Variants in UTRN observed in about 807,000 individuals in gnomAD.
The protein encoded by UTRN is dystrophin-related protein 1.
UTRN carries 283 observed loss-of-function variants against 463.9 expected under a neutral mutation model. The ratio of observed to expected loss-of-function variants is 0.61; its 90% CI spans 0.55 to 0.67. The LOEUF (loss-of-function observed/expected upper bound fraction) is 0.67, where lower values mean the gene tolerates loss of function less well. Among genes scored for constraint, UTRN ranks in the 30% least tolerant of loss-of-function variants. UTRN has a pLI of 0.00. For synonymous variants in UTRN, 1,442 were observed against 1,431.5 expected, an observed-to-expected ratio of 1.01 and a Z score of -0.17; for missense variants, 3,922 against 4,084.3, an observed-to-expected ratio of 0.96 and a Z score of 1.08.
intron 52 of UTRN, among the ~76,000 whole-genome samples, chr6:144,690,861 T>A (rs1222190417): frequency 6.6e-6 from 1 of 152,196 alleles, no homozygotes; most frequent in East Asian, 1.9e-4. Context: ...TTTCACACTC[T>A]GGGGACTTAC....
At chr6:144,772,403 T>C (rs751709296) in intron 59 of UTRN, among the ~76,000 whole-genome samples, 3 of 152,294 alleles carry the variant, frequency 2.0e-5, no homozygotes, top group Non-Finnish European at 2.9e-5. Context: ...AATCATGTCA[T>C]TGACATTTAA....
intron 50 of UTRN, among the ~76,000 whole-genome samples, chr6:144,570,569 C>T (rs1050940944): frequency 6.6e-6 from 1 of 152,166 alleles, no homozygotes; most frequent in Non-Finnish European, 1.5e-5. Context: ...TACAAAACAA[C>T]TAAAATTTGT....
intron 65 of UTRN, among the ~76,000 whole-genome samples, chr6:144,816,733 C>CTT (rs35967778): frequency 0.29 from 38,614 of 131,412 alleles, 5,420 homozygotes; most frequent in Admixed American, 0.43. Context: ...AGCTTTTTTC[C>CTT]TTTTTTTTTT....
chr6:144,537,854 A>C, intron 44 of UTRN, 137 bp downstream of exon 44: 1 of 1,249,454 alleles, frequency 8.0e-7, no homozygotes, highest in African/African-American at 1.6e-5. Flanking sequence ...TGAAAGAGGA[A>C]TATCTTTTAT....
intron 2 of UTRN, among the ~76,000 whole-genome samples, chr6:144,316,448 C>T (rs981011670): frequency 6.6e-6 from 1 of 152,240 alleles, no homozygotes; most frequent in African/African-American, 2.4e-5. Context: ...ACTTACATTA[C>T]TTTCATTTAA....
chr6:144,502,396 C>T (rs988724839), intron 34 of UTRN, among the ~76,000 whole-genome samples: 2 of 152,048 alleles, frequency 1.3e-5, no homozygotes, highest in Admixed American at 6.6e-5. Context: ...TCTCCTAATG[C>T]TACCCCTCCC....
intron 25 of UTRN, among the ~76,000 whole-genome samples, chr6:144,477,983 A>G (rs189278703): frequency 1.7e-3 from 266 of 152,298 alleles, no homozygotes; most frequent in African/African-American, 6.3e-3. Context: ...GAATAAATAT[A>G]TGGGAAATTT....
Position 144,656,878 on chromosome 6 carries a change from T to C in UTRN, c.7480-21528T>C, listed in dbSNP as rs752299820. On this transcript the variant is annotated intron_variant, in intron 51 of 74. Coordinates refer to ENST00000367545, the MANE Select transcript of UTRN (RefSeq NM_007124.3). ...AAATTAGTTAAGAATTTAAAAAAAA[T>C]CTTTCAAATGATCCCATATTCTTTT... Among the ~76,000 whole-genome samples the C allele has an allele frequency of 2.6e-5, 4 of 152,186 alleles. No individual in the cohort carries two copies. In the South Asian group the frequency reaches 6.2e-4, roughly 24 times the overall value.
At chr6:144,639,528 C>A (rs981283190) in intron 51 of UTRN, among the ~76,000 whole-genome samples, 1 of 152,178 alleles carries the variant, frequency 6.6e-6, no homozygotes, top group Non-Finnish European at 1.5e-5. Context: ...TCAACAGACC[C>A]TTTAAAACTC....
At chr6:144,491,226 T>C in intron 32 of UTRN, 124 bp downstream of exon 32, 1 of 898,442 alleles carries the variant, frequency 1.1e-6, no homozygotes. Flanking sequence ...ACATAAGGAT[T>C]GATGATGGAA....
At chr6:144,615,103 T>G (rs997954523) in intron 51 of UTRN, among the ~76,000 whole-genome samples, 2 of 152,198 alleles carry the variant, frequency 1.3e-5, no homozygotes, top group African/African-American at 4.8e-5. Flanking sequence ...ACAGACATTT[T>G]AGTTTATTTA....
At chr6:144,497,887 T>G (rs938919105) in intron 33 of UTRN, among the ~76,000 whole-genome samples, 1 of 152,150 alleles carries the variant, frequency 6.6e-6, no homozygotes, top group Admixed American at 6.5e-5. Flanking sequence ...GATGATAGAT[T>G]GTCTAGGAAC....
Position 144,359,185 on chromosome 6 carries a change from GT to G in UTRN, c.80-43937del, listed in dbSNP as rs1370910662. Among the ~76,000 whole-genome samples the G allele has an allele frequency of 2.0e-5, 3 of 152,330 alleles. No homozygotes were observed. In the East Asian group the frequency reaches 5.8e-4, roughly 29 times the overall value. On this transcript the variant is annotated intron_variant, in intron 2 of 74. Transcript: ENST00000367545. ...TAGATATAAGGCAGGTTTGTCCACC[GT>G]GAGACAGTTCCATTTTGCTGTGGAA...
At chr6:144,510,793 G>A (rs1795099989) in intron 34 of UTRN, 151 bp from the exon 35 acceptor site, 1 of 597,896 alleles carries the variant, frequency 1.7e-6, no homozygotes, top group Admixed American at 4.2e-5. Context: ...TAATAAGTTT[G>A]GGAATTTTGT....
intron 56 of UTRN, 119 bp from the exon 57 acceptor site, chr6:144,754,601 T>A: frequency 2.8e-6 from 2 of 711,426 alleles, no homozygotes; most frequent in Admixed American, 2.9e-5. Context: ...GGGGTCTATA[T>A]AAACAATCAT....
intron 54 of UTRN, among the ~76,000 whole-genome samples, chr6:144,746,575 C>T (rs865960334): frequency 1.3e-5 from 2 of 152,104 alleles, no homozygotes; most frequent in Admixed American, 6.5e-5. Flanking sequence ...CTCCTGGGTT[C>T]AAGCAATTCT....
rs201967602 is a variant in UTRN, at chr6:144,490,962, C to T, written c.4297C>T (p.Leu1433Phe). The T allele has an allele frequency of 1.9e-5, 30 of 1,608,722 alleles. No homozygotes were observed. The South Asian group carries it at 3.1e-4, about 17-fold the overall frequency. The change falls in exon 32 of 75, where the codon CTT (leucine) becomes TTT (phenylalanine). Residue 1433 changes from leucine (L) to phenylalanine (F), a missense_variant. By Grantham distance (22) the Leu-to-Phe change is conservative. Transcript: ENST00000367545. Reference protein sequence around the residue: ...KLREVSTKFQLFQKPANFEQR... With the variant: ...KLREVSTKFQFFQKPANFEQR... Reference sequence around the variant, plus strand: ...CCGAGAGGTGTCCACAAAGTTCCAGCTTTTCCAGAAGCCAGCTAACTTCGA... The same window carrying T: ...CCGAGAGGTGTCCACAAAGTTCCAGTTTTTCCAGAAGCCAGCTAACTTCGA...
intron 51 of UTRN, among the ~76,000 whole-genome samples, chr6:144,646,235 C>T (rs925547561): frequency 6.6e-6 from 1 of 152,140 alleles, no homozygotes; most frequent in African/African-American, 2.4e-5. Flanking sequence ...TTTTAACCTT[C>T]ATTTATTTAG....
chr6:144,601,345 G>A (rs1001449559), intron 51 of UTRN, among the ~76,000 whole-genome samples: 1 of 152,176 alleles, frequency 6.6e-6, no homozygotes, highest in Non-Finnish European at 1.5e-5. Context: ...ATGCTATTAA[G>A]AGCATTCTTG....
Sources: gnomAD v4.1 joint callset for allele counts (sites outside exome capture counted in the v4.1 genomes callset) on GRCh38, gnomAD v4.1.1 for gene constraint, MANE v1.5 for transcripts, NCBI Gene and HGNC (gene_info 2026-07-23, HGNC 2026-07-21) for gene names.